The following FLRT2 variants were observed in gnomAD, a reference collection of about 807,000 sequenced individuals.
FLRT2 encodes fibronectin leucine rich transmembrane protein 2.
In FLRT2, 15 loss-of-function variants were observed where a neutral mutation model predicts 40.0. The ratio of observed to expected loss-of-function variants is 0.38; its 90% confidence interval spans 0.25 to 0.58. FLRT2 has a LOEUF of 0.58. Ranked by LOEUF, FLRT2 falls within the 20% of genes least tolerant of loss-of-function variation. FLRT2 has a pLI of 0.71. For synonymous variants in FLRT2, 380 were observed against 336.8 expected (o/e 1.13, Z -1.41); for missense variants, 726 against 840.0 (o/e 0.86, Z 1.68).
chr14:85,614,375 T>A (rs58372074), intron 1 of FLRT2, among the ~76,000 whole-genome samples: 179 of 131,412 alleles, frequency 1.4e-3, no homozygotes, highest in African/African-American at 2.9e-3. Flanking sequence ...CCTTTGAAAT[T>A]AAAAAAAAAA....
intron 1 of FLRT2, among the ~76,000 whole-genome samples, chr14:85,598,627 G>T (rs542202048): frequency 6.6e-6 from 1 of 152,310 alleles, no homozygotes; most frequent in African/African-American, 2.4e-5. Context: ...TCACAGAGCT[G>T]CTTCTAAGTT....
At position 85,558,370 on chromosome 14, in the gene FLRT2, C is replaced by T. The variant is rs533414218; in HGVS notation, c.-377+27836C>T. ...AAGTAAATAAGGATAAAAGAAAAAC[C>T]GAGTAGGTGGGAGAGAAGGAGGAAT... On this transcript the variant is annotated intron_variant, in intron 1 of 1. Coordinates refer to ENST00000330753, the MANE Select transcript of FLRT2 (RefSeq NM_013231.6). 5.9e-5 allele frequency among the ~76,000 whole-genome samples: 9 copies of T among 151,366 alleles called. No homozygotes were observed. The East Asian group carries it at 7.8e-4, about 13-fold the overall frequency.
chr14:85,622,147 G>A lies in FLRT2; in HGVS notation c.633G>A (p.Val211=), dbSNP rs564773048. ...QNLTSLERLI[V]DGNLLTNKGI... ...TCACGAGCTTGGAGCGTCTTATTGT[G>A]GACGGGAACCTCCTGACCAACAAGG... Residue 211 remains valine (V), a synonymous_variant, in exon 2 of 2, where the codon GTG becomes GTA. Coordinates refer to ENST00000330753, the MANE Select transcript of FLRT2 (RefSeq NM_013231.6). 7 of 1,614,060 alleles carry A rather than the reference G, an allele frequency of 4.3e-6. No individual in the cohort carries two copies. In the Admixed American group the frequency reaches 5.0e-5, roughly 12 times the overall value.
intron 1 of FLRT2, among the ~76,000 whole-genome samples, chr14:85,551,993 C>A (rs755433615): frequency 9.2e-5 from 14 of 152,254 alleles, no homozygotes; most frequent in South Asian, 2.1e-4. Context: ...CAGATGGACA[C>A]CTTATCAACA....
chr14:85,586,525 T>A (rs1320988764), intron 1 of FLRT2, among the ~76,000 whole-genome samples: 1 of 151,192 alleles, frequency 6.6e-6, no homozygotes, highest in Non-Finnish European at 1.5e-5. Flanking sequence ...GCATATTAAA[T>A]GTTCTTACTA....
chr14:85,651,773 A>G lies in FLRT2; in HGVS notation c.*28276A>G, dbSNP rs1446852321. 2.0e-5 allele frequency: 3 copies of G among 152,032 alleles called. No homozygotes were observed. The highest frequency in any genetic ancestry group is 2.1e-4 in the South Asian group (1 of 4,822). The allele number at this position is 152,032 out of a possible 1,614,324, so 9.4% of individuals were successfully genotyped here. A position where few individuals can be genotyped will look rare whatever the true frequency, so the allele number is the denominator to read the frequency against. ...CAAGGAGGTTTTACTTTTTCCCTCA[A>G]TGGATTTGGAAGATATATGTTCTAT... On this transcript the variant is annotated 3_prime_UTR_variant, in exon 2 of 2. Coordinates refer to ENST00000330753, the MANE Select transcript of FLRT2 (RefSeq NM_013231.6).
rs1185439216 is a variant in FLRT2 at position 85,643,267 on chromosome 14, G to C, written c.*19770G>C. ...TTTAATGTCTAAAAACATCTCATGA[G>C]AGAGTTCAGAGGGTATTTCTTTTTT... is the stretch of plus-strand genomic sequence containing the variant. On this transcript the variant is annotated 3_prime_UTR_variant, in exon 2 of 2. Coordinates refer to ENST00000330753, the MANE Select transcript of FLRT2 (RefSeq NM_013231.6). 6.6e-6 allele frequency: 1 copy of C among 152,124 alleles called. No individual in the cohort carries two copies. Among genetic ancestry groups the C allele is most frequent in the African/African-American group, 2.4e-5 (1 of 41,410 alleles). 9.4% of individuals were successfully genotyped at this position (152,124 alleles called of 1,614,324 possible).
rs1033861485 is a variant in FLRT2, at chr14:85,635,479, G to A, written c.*11982G>A. ...ATTTAAGTCAAAATTATCAAAGATA[G>A]AGTGTCGTACAATAAAAATTGTATA... On this transcript the variant is annotated 3_prime_UTR_variant, in exon 2 of 2. Coordinates refer to ENST00000330753, the MANE Select transcript of FLRT2 (RefSeq NM_013231.6). The A allele has an allele frequency of 6.6e-6, 1 of 151,978 alleles. No homozygotes were observed. Among genetic ancestry groups the A allele is most frequent in the Non-Finnish European group, 1.5e-5 (1 of 67,932 alleles). 9.4% of individuals were successfully genotyped at this position (151,978 alleles called of 1,614,324 possible). A position where few individuals can be genotyped will look rare whatever the true frequency, so the allele number is the denominator to read the frequency against.
At chr14:85,554,889 G>A (rs550068473) in intron 1 of FLRT2, among the ~76,000 whole-genome samples, 15 of 152,114 alleles carry the variant, frequency 9.9e-5, no homozygotes, top group Non-Finnish European at 2.1e-4. Flanking sequence ...GTGGTAGTTT[G>A]CCGTCCTGCA....
rs1894055355 is a variant in FLRT2 at position 85,638,159 on chromosome 14, G to A, written c.*14662G>A. On this transcript the variant is annotated 3_prime_UTR_variant, in exon 2 of 2. Coordinates refer to ENST00000330753, the MANE Select transcript of FLRT2 (RefSeq NM_013231.6). ...GTGGATAGAGAAAGGAGAAATGGAA[G>A]AGTTTGGAGCACGGGCCATTGCGAT... 6.6e-6 allele frequency: 1 copy of A among 152,238 alleles called. No homozygotes were observed. The highest frequency in any genetic ancestry group is 2.1e-4 in the South Asian group (1 of 4,832). The allele number at this position is 152,238 out of a possible 1,614,324, so 9.4% of individuals were successfully genotyped here.
Position 85,646,610 on chromosome 14 carries a change from T to A in FLRT2, c.*23113T>A, listed in dbSNP as rs1036777555. On this transcript the variant is annotated 3_prime_UTR_variant, in exon 2 of 2. Transcript: ENST00000330753. Reference sequence around the variant, plus strand: ...CTCTTCTGTTTCAGGGCTTCTCGAATTTTTTTTTCTTTTATTTATTTTTTG... The same window carrying A: ...CTCTTCTGTTTCAGGGCTTCTCGAAATTTTTTTTCTTTTATTTATTTTTTG... 8 of 151,822 alleles carry A rather than the reference T, an allele frequency of 5.3e-5. No homozygotes were observed. Among genetic ancestry groups the A allele is most frequent in the Non-Finnish European group, 1.0e-4 (7 of 67,966 alleles). The allele number at this position is 151,822 out of a possible 1,614,324, so 9.4% of individuals were successfully genotyped here.
intron 1 of FLRT2, among the ~76,000 whole-genome samples, chr14:85,619,170 G>A (rs1056191772): frequency 4.1e-5 from 6 of 146,044 alleles, no homozygotes; most frequent in South Asian, 2.2e-4. Context: ...GCTCACCTCC[G>A]CCTCCCAGGC....
chr14:85,594,260 A>T (rs1420628990), intron 1 of FLRT2, among the ~76,000 whole-genome samples: 1 of 152,212 alleles, frequency 6.6e-6, no homozygotes, highest in East Asian at 1.9e-4. Flanking sequence ...TAAATATTAA[A>T]CACTCTCAGT....
intron 1 of FLRT2, among the ~76,000 whole-genome samples, chr14:85,600,174 C>G (rs1245230002): frequency 6.6e-6 from 1 of 152,182 alleles, no homozygotes; most frequent in African/African-American, 2.4e-5. Flanking sequence ...TAGTAGGAGG[C>G]AGCATAGGCC....
At position 85,647,135 on chromosome 14, in the gene FLRT2, A is replaced by G. The variant is rs1894325352; in HGVS notation, c.*23638A>G. 1 of 152,192 alleles carries G rather than the reference A, an allele frequency of 6.6e-6. No individual in the cohort carries two copies. Among genetic ancestry groups the G allele is most frequent in the South Asian group, 2.1e-4 (1 of 4,826 alleles). 9.4% of individuals were successfully genotyped at this position (152,192 alleles called of 1,614,324 possible). Reference sequence around the variant, plus strand: ...TTTTAGTATCTCATATGCTTCGTGTACATGTCATGTATGAAGGTGCCTGAG... The same window carrying G: ...TTTTAGTATCTCATATGCTTCGTGTGCATGTCATGTATGAAGGTGCCTGAG... On this transcript the variant is annotated 3_prime_UTR_variant, in exon 2 of 2. Transcript: ENST00000330753.
intron 1 of FLRT2, among the ~76,000 whole-genome samples, chr14:85,557,161 T>G (rs1476214225): frequency 6.6e-6 from 1 of 151,820 alleles, no homozygotes; most frequent in Non-Finnish European, 1.5e-5. Context: ...GGACACAGAG[T>G]CAAACCATAT....
chr14:85,553,084 G>A (rs191552845), intron 1 of FLRT2, among the ~76,000 whole-genome samples: 1 of 152,306 alleles, frequency 6.6e-6, no homozygotes, highest in African/African-American at 2.4e-5. Flanking sequence ...TAAGAGAGCA[G>A]CCCCCTTTCA....
chr14:85,588,858 T>C (rs1891758844), intron 1 of FLRT2, among the ~76,000 whole-genome samples: 1 of 152,224 alleles, frequency 6.6e-6, no homozygotes, highest in South Asian at 2.1e-4. Context: ...CACAAACAAA[T>C]GAGAACATGT....
chr14:85,557,831 T>TAAA (rs1208304295), intron 1 of FLRT2, among the ~76,000 whole-genome samples: 1 of 125,354 alleles, frequency 8.0e-6, no homozygotes, highest in Non-Finnish European at 1.8e-5. Context: ...AATAAATAAA[T>TAAA]TAATTAATTA....
Sources: gnomAD v4.1 joint callset for allele counts (sites outside exome capture counted in the v4.1 genomes callset) on GRCh38, gnomAD v4.1.1 for gene constraint, MANE v1.5 for transcripts, NCBI Gene and HGNC (gene_info 2026-07-23, HGNC 2026-07-21) for gene names.